FBN2: variants seen among roughly 807,000 people sequenced by gnomAD.
FBN2 encodes fibrillin-2.
In FBN2, 105 loss-of-function variants were observed where a neutral mutation model predicts 355.6. The observed-to-expected ratio is 0.30, with a 90% CI of 0.25 to 0.35. The LOEUF (loss-of-function observed/expected upper bound fraction) is 0.35, where lower values mean the gene tolerates loss of function less well. FBN2 is among the 10% of genes least tolerant of loss of function. The probability of loss-of-function intolerance (pLI) is 1.00; values close to 1 mark genes in which losing one functional copy is unlikely to be tolerated. For synonymous variants in FBN2, 1,350 were observed against 1,301.2 expected (o/e 1.04, Z -0.81); for missense variants, 3,280 against 3,758.7 (o/e 0.87, Z 3.33).
In FBN2 at chr5:128,274,090, G is replaced by A. The variant is rs1765327812; in HGVS notation, c.7712-122C>T. On this transcript the variant is annotated intron_variant, in intron 60 of 64. Coordinates refer to ENST00000262464, the MANE Select transcript of FBN2 (RefSeq NM_001999.4). ...TCATGATGTGAAAATGGCATTTTGG[G>A]AAAATTTATACCAAAATTCACTGTC... 5.5e-6 allele frequency: 6 copies of A among 1,093,928 alleles called. No homozygotes were observed. The Admixed American group carries it at 7.7e-5, about 14-fold the overall frequency. The allele number at this position is 1,093,928 out of a possible 1,614,324, so 67.8% of individuals were successfully genotyped here.
chr5:128,376,616 A>C, intron 14 of FBN2, 115 bp downstream of exon 14: 9 of 1,256,796 alleles, frequency 7.2e-6, no homozygotes, highest in Non-Finnish European at 1.0e-5. Flanking sequence ...ATTAGCAAGA[A>C]ATGTGAATAA....
intron 17 of FBN2, 98 bp downstream of exon 17, chr5:128,366,279 A>T (rs1751765046): frequency 1.6e-6 from 1 of 610,138 alleles, no homozygotes; most frequent in African/African-American, 1.9e-5. Context: ...TTATAATACT[A>T]CATTTTCATA....
At chr5:128,301,261 G>T in intron 47 of FBN2, 121 bp downstream of exon 47, 3 of 951,842 alleles carry the variant, frequency 3.2e-6, no homozygotes, top group Non-Finnish European at 4.9e-6. Context: ...AGCTTATCTT[G>T]GTCATGTGCT....
intron 7 of FBN2, among the ~76,000 whole-genome samples, chr5:128,413,768 TAAAAC>T (rs567331019): frequency 0.013 from 1,948 of 152,234 alleles, 34 homozygotes; most frequent in African/African-American, 0.045. Flanking sequence ...TTAGTACAAA[TAAAAC>T]AAGAAATTTT....
At chr5:128,397,121 C>T (rs886845858) in intron 8 of FBN2, among the ~76,000 whole-genome samples, 8 of 152,120 alleles carry the variant, frequency 5.3e-5, no homozygotes, top group African/African-American at 1.9e-4. Flanking sequence ...GTGATGTATG[C>T]ACACATAATT....
chr5:128,446,387 T>C, intron 7 of FBN2, 94 bp downstream of exon 7: 2 of 1,304,674 alleles, frequency 1.5e-6, no homozygotes, highest in Admixed American at 1.7e-5. Flanking sequence ...AGAGTTTTAA[T>C]TGTGACCAGT....
intron 58 of FBN2, among the ~76,000 whole-genome samples, chr5:128,276,591 G>A (rs1765399734): frequency 1.3e-5 from 2 of 152,070 alleles, no homozygotes; most frequent in Non-Finnish European, 2.9e-5. Flanking sequence ...TTCAGATTCA[G>A]TCCTCACCCT....
intron 5 of FBN2, among the ~76,000 whole-genome samples, chr5:128,483,008 C>G (rs1412762477): frequency 6.6e-6 from 1 of 152,136 alleles, no homozygotes; most frequent in Non-Finnish European, 1.5e-5. Flanking sequence ...AAATACTACA[C>G]AGCCATAAAA....
chr5:128,284,268 T>C (rs1749071678), intron 55 of FBN2, among the ~76,000 whole-genome samples: 1 of 152,226 alleles, frequency 6.6e-6, no homozygotes, highest in South Asian at 2.1e-4. Flanking sequence ...TATTTGTTTT[T>C]ACATGAGGAA....
chr5:128,278,141 T>TGATGAACAGGTGC, intron 57 of FBN2, 136 bp from the exon 58 acceptor site: 1 of 852,932 alleles, frequency 1.2e-6, no homozygotes, highest in Non-Finnish European at 1.9e-6. Context: ...GGAGCACCTG[T>TGATGAACAGGTGC]TCATCATTCA....
chr5:128,272,463 C>CATATATATATATAT lies in FBN2; in HGVS notation c.7841-359_7841-346dup, dbSNP rs3083327. On this transcript the variant is annotated intron_variant, in intron 61 of 64. Transcript: ENST00000262464. ...AAATGGTATGATTTATTTGGTAAAT[C>CATATATATATATAT]ATATATATATATATATATATATAAA... Among the ~76,000 whole-genome samples the CATATATATATATAT allele has an allele frequency of 2.6e-3, 358 of 139,754 alleles. 1 individual carries two copies. The highest frequency in any genetic ancestry group is 7.8e-3 in the African/African-American group (294 of 37,676). 91.7% of individuals were successfully genotyped at this position (139,754 alleles called of 152,430 possible).
At chr5:128,280,631 G>A (rs1330877855) in intron 55 of FBN2, among the ~76,000 whole-genome samples, 1 of 151,992 alleles carries the variant, frequency 6.6e-6, no homozygotes. Flanking sequence ...AGGCAAGGAT[G>A]GGAACTCTGG....
intron 33 of FBN2, among the ~76,000 whole-genome samples, 178 bp downstream of exon 33, chr5:128,330,395 A>C (rs944152352): frequency 2.6e-5 from 4 of 152,256 alleles, no homozygotes; most frequent in African/African-American, 9.6e-5. Context: ...TATATTTGGA[A>C]AGTCATTCAG....
intron 7 of FBN2, among the ~76,000 whole-genome samples, chr5:128,418,809 C>G (rs572031604): frequency 6.6e-6 from 1 of 152,194 alleles, no homozygotes; most frequent in East Asian, 1.9e-4. Context: ...GGAGAATATT[C>G]TATGTGCTGC....
At position 128,537,553 on chromosome 5, in the gene FBN2, G is replaced by C; in HGVS notation, c.51C>G (p.Gly17=). The C allele has an allele frequency of 6.2e-7, 1 of 1,600,646 alleles. No individual in the cohort carries two copies. Among genetic ancestry groups the C allele is most frequent in the South Asian group, 1.1e-5 (1 of 89,546 alleles). Residue 17 remains glycine (G), a synonymous_variant, in exon 1 of 65, where the codon GGC becomes GGG. Transcript: ENST00000262464. ...TGCCCTGCGCCCAGAGCACCACACA[G>C]CCCAGCCACAGGAAGTAGAGCTGGA... is the stretch of plus-strand genomic sequence containing the variant. ...LCLQLYFLWL[G]CVVLWAQGTA...
At chr5:128,336,161 A>G in intron 27 of FBN2, 48 bp from the exon 28 acceptor site, 1 of 1,599,322 alleles carries the variant, frequency 6.3e-7, no homozygotes, top group African/African-American at 1.3e-5. Flanking sequence ...TCCACTCACT[A>G]AAGCCATCAG....
chr5:128,478,496 C>T (rs79628814), intron 5 of FBN2, among the ~76,000 whole-genome samples: 2,636 of 152,192 alleles, frequency 0.017, 75 homozygotes, highest in African/African-American at 0.061. Context: ...AAATAAAATC[C>T]AGAAAGTTTC....
chr5:128,385,524 T>C (rs1752345345), intron 11 of FBN2, among the ~76,000 whole-genome samples: 2 of 152,284 alleles, frequency 1.3e-5, no homozygotes, highest in South Asian at 2.1e-4. Context: ...AAAATATGTG[T>C]ACATGTGTCT....
intron 5 of FBN2, among the ~76,000 whole-genome samples, chr5:128,517,338 T>C (rs1246085212): frequency 6.6e-6 from 1 of 152,216 alleles, no homozygotes; most frequent in Non-Finnish European, 1.5e-5. Flanking sequence ...CAATTATGAT[T>C]ATGTTTGAAA....
Sources: allele counts gnomAD v4.1 joint callset (sites outside exome capture counted in the v4.1 genomes callset), GRCh38; gene constraint gnomAD v4.1.1; transcripts MANE v1.5; gene names NCBI Gene and HGNC (gene_info 2026-07-23, HGNC 2026-07-21).